SLC44A5: variants seen among roughly 807,000 people sequenced by gnomAD.
SLC44A5 encodes choline transporter-like protein 5.
In SLC44A5, 57 loss-of-function variants were observed where a neutral mutation model predicts 101.8. The observed-to-expected ratio is 0.56, with a 90% CI of 0.45 to 0.70. SLC44A5 has a LOEUF of 0.70. Ranked by LOEUF, SLC44A5 falls within the 30% of genes least tolerant of loss-of-function variation. The pLI, the probability that SLC44A5 is intolerant of heterozygous loss-of-function variation, is 0.00. For synonymous variants in SLC44A5, 281 were observed against 290.9 expected, an observed-to-expected ratio of 0.97 and a Z score of 0.35; for missense variants, 737 against 853.1, an observed-to-expected ratio of 0.86 and a Z score of 1.70.
intron 18 of SLC44A5, 105 bp downstream of exon 18, chr1:75,217,761 C>T: frequency 1.3e-6 from 1 of 743,692 alleles, no homozygotes; most frequent in Non-Finnish European, 2.4e-6. Flanking sequence ...CCCAAATATG[C>T]CCTTTCATCC....
At chr1:75,286,713 A>G (rs1315112586) in intron 5 of SLC44A5, among the ~76,000 whole-genome samples, 1 of 151,830 alleles carries the variant, frequency 6.6e-6, no homozygotes, top group Admixed American at 6.6e-5. Flanking sequence ...AAAAGCTTGT[A>G]TCTTTTTTTT....
intron 6 of SLC44A5, among the ~76,000 whole-genome samples, chr1:75,260,103 G>A (rs1650362559): frequency 1.3e-5 from 2 of 152,248 alleles, no homozygotes; most frequent in South Asian, 4.1e-4. Context: ...ATCGATGCTA[G>A]GAAGAAACTG....
chr1:75,288,672 T>G (rs1283542197), intron 5 of SLC44A5, among the ~76,000 whole-genome samples: 3 of 152,240 alleles, frequency 2.0e-5, no homozygotes, highest in African/African-American at 7.2e-5. Context: ...TCGCCTTAAT[T>G]TCAGCTGCTC....
intron 2 of SLC44A5, among the ~76,000 whole-genome samples, chr1:75,415,059 G>T (rs966973102): frequency 2.0e-5 from 3 of 152,186 alleles, no homozygotes; most frequent in Non-Finnish European, 4.4e-5. Flanking sequence ...AGTATTCTAG[G>T]TGAGAGATGA....
chr1:75,452,296 A>T (rs2101664038), intron 2 of SLC44A5, among the ~76,000 whole-genome samples: 1 of 152,304 alleles, frequency 6.6e-6, no homozygotes, highest in African/African-American at 2.4e-5. Flanking sequence ...TATCCTGCCA[A>T]ACTACGCTTA....
At chr1:75,480,659 T>G (rs1479989096) in intron 2 of SLC44A5, among the ~76,000 whole-genome samples, 1 of 151,698 alleles carries the variant, frequency 6.6e-6, no homozygotes, top group Non-Finnish European at 1.5e-5. Context: ...CGCAATTGCT[T>G]CAAAGAGAAT....
intron 2 of SLC44A5, among the ~76,000 whole-genome samples, chr1:75,519,910 C>G (rs143116419): frequency 6.6e-6 from 1 of 152,318 alleles, no homozygotes; most frequent in African/African-American, 2.4e-5. Context: ...TTAGAGTTTA[C>G]AGTGTGGAAT....
intron 2 of SLC44A5, among the ~76,000 whole-genome samples, chr1:75,522,434 G>C (rs991299016): frequency 2.6e-5 from 4 of 151,110 alleles, no homozygotes; most frequent in Non-Finnish European, 5.9e-5. Flanking sequence ...TTTCTTTCCT[G>C]GTGTAATGTT....
At chr1:75,296,187 A>G (rs1285892234) in intron 5 of SLC44A5, among the ~76,000 whole-genome samples, 2 of 152,058 alleles carry the variant, frequency 1.3e-5, no homozygotes, top group African/African-American at 4.8e-5. Flanking sequence ...TCTGCATGTC[A>G]AGGCTCTTTA....
chr1:75,496,543 T>C (rs1570449982), intron 2 of SLC44A5, among the ~76,000 whole-genome samples: 3 of 151,834 alleles, frequency 2.0e-5, no homozygotes, highest in Middle Eastern at 3.4e-3. Flanking sequence ...CTCTATGATG[T>C]TGGTCTTGAT....
chr1:75,496,425 T>C (rs984705831), intron 2 of SLC44A5, among the ~76,000 whole-genome samples: 5 of 152,068 alleles, frequency 3.3e-5, no homozygotes, highest in African/African-American at 4.8e-5. Flanking sequence ...AAAAATGGAA[T>C]TGGACCCTTA....
chr1:75,468,506 T>C (rs542380387), intron 2 of SLC44A5, among the ~76,000 whole-genome samples: 7 of 152,308 alleles, frequency 4.6e-5, no homozygotes, highest in Middle Eastern at 3.4e-3. Context: ...AACTAGAGCC[T>C]GTCATATGCA....
At chr1:75,444,059 G>A (rs1338307014) in intron 2 of SLC44A5, among the ~76,000 whole-genome samples, 2 of 151,968 alleles carry the variant, frequency 1.3e-5, no homozygotes, top group Non-Finnish European at 2.9e-5. Flanking sequence ...GCTCATGCCT[G>A]TAATCCCAGC....
intron 4 of SLC44A5, among the ~76,000 whole-genome samples, chr1:75,336,889 A>T (rs573471280): frequency 3.9e-5 from 6 of 152,302 alleles, no homozygotes; most frequent in African/African-American, 1.4e-4. Context: ...AGTAATGCAA[A>T]TAGCGCAGAG....
At chr1:75,642,812 G>A in the SLC44A5 span, among the ~76,000 whole-genome samples, 1 of 152,076 alleles carries the variant, frequency 6.6e-6, no homozygotes, top group African/African-American at 2.4e-5. Flanking sequence ...GGGGGTAGGG[G>A]AGAATTCTAA....
At chr1:75,280,426 T>A (rs1445868429) in intron 5 of SLC44A5, among the ~76,000 whole-genome samples, 7 of 87,830 alleles carry the variant, frequency 8.0e-5, no homozygotes, top group African/African-American at 1.4e-4. Context: ...ATATATATAT[T>A]GTATATATTA....
At chr1:75,554,440 C>G (rs1403351349) in intron 1 of SLC44A5, among the ~76,000 whole-genome samples, 2 of 142,028 alleles carry the variant, frequency 1.4e-5, no homozygotes, top group Non-Finnish European at 3.0e-5. Context: ...TCATTGCACT[C>G]CAGCCTGAGC....
intron 6 of SLC44A5, among the ~76,000 whole-genome samples, chr1:75,258,886 G>A (rs1258008639): frequency 6.6e-6 from 1 of 152,130 alleles, no homozygotes; most frequent in East Asian, 1.9e-4. Flanking sequence ...AGGCAAACAG[G>A]GTCTGGAGTG....
At chr1:75,621,744 C>CA in the SLC44A5 span, among the ~76,000 whole-genome samples, 1 of 151,958 alleles carries the variant, frequency 6.6e-6, no homozygotes, top group Non-Finnish European at 1.5e-5. Context: ...TTTTTACACA[C>CA]AAAAAAATCA....
Sources: gnomAD v4.1 joint callset for allele counts (sites outside exome capture counted in the v4.1 genomes callset) on GRCh38, gnomAD v4.1.1 for gene constraint, MANE v1.5 for transcripts, NCBI Gene and HGNC (gene_info 2026-07-23, HGNC 2026-07-21) for gene names.